The following ATP8A2 variants were observed in gnomAD, a reference collection of about 807,000 sequenced individuals.
ATP8A2 encodes the protein phospholipid-transporting ATPase IB.
ATP8A2 carries 100 observed loss-of-function variants against 165.6 expected under a neutral mutation model. The ratio of observed to expected loss-of-function variants is 0.60; its 90% CI spans 0.51 to 0.71. ATP8A2 has a LOEUF of 0.71. Among genes scored for constraint, ATP8A2 ranks in the 30% least tolerant of loss-of-function variants. The pLI, the probability that ATP8A2 is intolerant of heterozygous loss-of-function variation, is 0.00. For missense variants in ATP8A2, 1,227 were observed against 1,479.5 expected, an observed-to-expected ratio of 0.83 and a Z score of 2.80; for synonymous variants, 543 against 548.8, an observed-to-expected ratio of 0.99 and a Z score of 0.15.
chr13:25,985,559 A>G (rs1956265703), intron 35 of ATP8A2, among the ~76,000 whole-genome samples: 1 of 152,218 alleles, frequency 6.6e-6, no homozygotes, highest in Non-Finnish European at 1.5e-5. Flanking sequence ...GTCATGGTCG[A>G]TCAATCCCCA....
chr13:25,973,275 C>T (rs771883255), intron 35 of ATP8A2, among the ~76,000 whole-genome samples: 100 of 152,314 alleles, frequency 6.6e-4, no homozygotes, highest in Non-Finnish European at 1.3e-3. Context: ...GTTTTGTGTT[C>T]TGTGAACATC....
chr13:25,758,779 C>A (rs1187611429), intron 25 of ATP8A2, among the ~76,000 whole-genome samples: 5 of 152,122 alleles, frequency 3.3e-5, no homozygotes, highest in South Asian at 2.1e-4. Flanking sequence ...GGTAGAATGC[C>A]ACTCCTGTTT....
At chr13:25,519,403 G>C (rs751952271) in intron 2 of ATP8A2, among the ~76,000 whole-genome samples, 4 of 151,632 alleles carry the variant, frequency 2.6e-5, no homozygotes, top group Admixed American at 2.0e-4. Flanking sequence ...TTCTCCTCTA[G>C]AGTGCAATTT....
At chr13:25,673,253 A>G (rs1031705119) in intron 24 of ATP8A2, among the ~76,000 whole-genome samples, 7 of 152,186 alleles carry the variant, frequency 4.6e-5, no homozygotes, top group African/African-American at 9.7e-5. Flanking sequence ...TGCAGACACT[A>G]TAACAGCGAA....
At chr13:25,968,734 C>A in intron 35 of ATP8A2, 55 bp downstream of exon 35, 1 of 1,360,058 alleles carries the variant, frequency 7.4e-7, no homozygotes, top group East Asian at 2.3e-5. Flanking sequence ...GCCCTTTTCC[C>A]TTATTCCTTC....
intron 2 of ATP8A2, among the ~76,000 whole-genome samples, chr13:25,501,912 G>A (rs1368107451): frequency 1.3e-5 from 2 of 152,196 alleles, no homozygotes; most frequent in Non-Finnish European, 2.9e-5. Context: ...AAAGACATGC[G>A]TGTCTGAAGC....
At chr13:25,918,811 A>G (rs1954346824) in intron 33 of ATP8A2, among the ~76,000 whole-genome samples, 1 of 152,202 alleles carries the variant, frequency 6.6e-6, no homozygotes, top group Non-Finnish European at 1.5e-5. Context: ...CACTTGTAAC[A>G]TGATGTTAGA....
chr13:25,750,368 C>T lies in ATP8A2; in HGVS notation c.2385-18678C>T, dbSNP rs1360659611. Among the ~76,000 whole-genome samples the T allele has an allele frequency of 7.2e-5, 11 of 152,210 alleles. No individual in the cohort carries two copies. Among genetic ancestry groups the T allele is most frequent in the Admixed American group, 7.2e-4 (11 of 15,288 alleles). ...GGCCCTAACTGTGGGCAGTTTCCCT[C>T]TGCTAGTGCCCCCTCTTCCTTGGTT... On this transcript the variant is annotated intron_variant, in intron 25 of 36. Coordinates refer to ENST00000381655, the MANE Select transcript of ATP8A2 (RefSeq NM_016529.6). The surrounding 1 kb of genome is among the most constrained non-coding windows in gnomAD (Gnocchi z 4.3).
intron 1 of ATP8A2, among the ~76,000 whole-genome samples, chr13:25,400,328 A>G (rs1264023477): frequency 6.6e-6 from 1 of 152,234 alleles, no homozygotes; most frequent in African/African-American, 2.4e-5. Context: ...AGGTCATATT[A>G]AAAGAACATT....
intron 24 of ATP8A2, among the ~76,000 whole-genome samples, chr13:25,630,699 T>C (rs2137511308): frequency 1.3e-5 from 2 of 152,304 alleles, no homozygotes; most frequent in Middle Eastern, 3.4e-3. Flanking sequence ...AAAATATGCT[T>C]CTTAATAATA....
At chr13:25,556,818 C>T (rs983032577) in intron 13 of ATP8A2, among the ~76,000 whole-genome samples, 1 of 152,064 alleles carries the variant, frequency 6.6e-6, no homozygotes, top group South Asian at 2.1e-4. Context: ...TTGGGGACTT[C>T]GGGTTGTCTG....
intron 28 of ATP8A2, among the ~76,000 whole-genome samples, chr13:25,833,597 A>C (rs1305208048): frequency 6.6e-6 from 1 of 152,158 alleles, no homozygotes; most frequent in African/African-American, 2.4e-5. Flanking sequence ...CTTTCAATGT[A>C]GTGGGGAAAG....
intron 24 of ATP8A2, among the ~76,000 whole-genome samples, chr13:25,655,694 C>CT (rs1401280467): frequency 6.6e-6 from 1 of 150,938 alleles, no homozygotes; most frequent in Non-Finnish European, 1.5e-5. Flanking sequence ...CAGTAGTTTG[C>CT]TTCCCAAGCT....
intron 25 of ATP8A2, among the ~76,000 whole-genome samples, chr13:25,743,817 A>G (rs1036991481): frequency 6.6e-6 from 1 of 152,234 alleles, no homozygotes; most frequent in African/African-American, 2.4e-5. Context: ...CTAATTAGTT[A>G]TGAAAACCTA....
chr13:25,930,777 ACTGT>A (rs923197449), intron 33 of ATP8A2, among the ~76,000 whole-genome samples: 14 of 152,108 alleles, frequency 9.2e-5, no homozygotes, highest in African/African-American at 2.7e-4. Flanking sequence ...GTGCCATCTC[ACTGT>A]CTGTCAGATA....
At chr13:25,400,234 T>G (rs2033593834) in intron 1 of ATP8A2, among the ~76,000 whole-genome samples, 1 of 152,214 alleles carries the variant, frequency 6.6e-6, no homozygotes, top group African/African-American at 2.4e-5. Context: ...TTCTTGGTGC[T>G]TCTGAGGAAC....
chr13:25,772,392 G>C (rs9553658), intron 26 of ATP8A2, among the ~76,000 whole-genome samples: 75,323 of 151,944 alleles, frequency 0.5, 19,750 homozygotes, highest in South Asian at 0.61. Flanking sequence ...AGGGGGTCCC[G>C]GTCAAATACA....
intron 33 of ATP8A2, among the ~76,000 whole-genome samples, chr13:25,904,077 G>A (rs760102839): frequency 5.3e-5 from 8 of 152,122 alleles, no homozygotes; most frequent in Non-Finnish European, 1.0e-4. Context: ...TTGAATATTT[G>A]CATTGGACTT....
chr13:25,866,373 A>C lies in ATP8A2; in HGVS notation c.3183+3965A>C, dbSNP rs2765741. Among the ~76,000 whole-genome samples, 750 of 152,346 alleles carry C rather than the reference A, an allele frequency of 4.9e-3. 3 individuals are homozygous for C. Among genetic ancestry groups the C allele is most frequent in the African/African-American group, 0.017 (717 of 41,572 alleles). On this transcript the variant is annotated intron_variant, in intron 33 of 36. Coordinates refer to ENST00000381655, the MANE Select transcript of ATP8A2 (RefSeq NM_016529.6). ...TAATAGGCTAACCTGTGGGAAATCT[A>C]AAACATGGATGCTCTTCTTTTTCCT...
Sources: allele counts gnomAD v4.1 joint callset (sites outside exome capture counted in the v4.1 genomes callset), GRCh38; gene constraint gnomAD v4.1.1; non-coding constraint Gnocchi (gnomAD v3.1); transcripts MANE v1.5; gene names NCBI Gene and HGNC (gene_info 2026-07-23, HGNC 2026-07-21).